The following IL1RAPL1 variants were observed in gnomAD, a reference collection of about 807,000 sequenced individuals.
The protein encoded by IL1RAPL1 is interleukin-1 receptor accessory protein-like 1.
In IL1RAPL1, 3 loss-of-function variants were observed where a neutral mutation model predicts 48.4. The observed-to-expected ratio is 0.06, with a 90% CI of 0.03 to 0.16. The LOEUF is 0.16. Ranked by LOEUF, IL1RAPL1 falls within the 10% of genes least tolerant of loss-of-function variation. The probability of loss-of-function intolerance (pLI) is 1.00; values close to 1 mark genes in which losing one functional copy is unlikely to be tolerated. For synonymous variants in IL1RAPL1, 185 were observed against 187.7 expected (o/e 0.99, Z 0.12); for missense variants, 349 against 530.6 (o/e 0.66, Z 3.36).
chrX:28,877,656 A>C (rs1015295198), intron 2 of IL1RAPL1, among the ~76,000 whole-genome samples: 3 of 112,199 alleles, frequency 2.7e-5, no homozygotes, highest in Non-Finnish European at 5.6e-5. Flanking sequence ...TTTAAATCAT[A>C]TATTTTGAGT....
chrX:29,514,748 C>T (rs1463997902), intron 5 of IL1RAPL1, among the ~76,000 whole-genome samples: 1 of 112,523 alleles, frequency 8.9e-6, no homozygotes, highest in African/African-American at 3.2e-5. Flanking sequence ...CCGCACCTGG[C>T]AAGTTGAATT....
chrX:29,599,333 G>A (rs1923646781), intron 5 of IL1RAPL1, among the ~76,000 whole-genome samples: 1 of 112,036 alleles, frequency 8.9e-6, no homozygotes, highest in African/African-American at 3.2e-5. Context: ...ATTTAAGGAG[G>A]CTAAAAATCG....
intron 1 of IL1RAPL1, among the ~76,000 whole-genome samples, chrX:28,704,498 A>G (rs1935343632): frequency 9.4e-6 from 1 of 106,869 alleles, no homozygotes; most frequent in African/African-American, 3.4e-5. Flanking sequence ...TCAGAAAACT[A>G]TAGTAGATTT....
chrX:28,806,571 C>T (rs772309356), intron 2 of IL1RAPL1, among the ~76,000 whole-genome samples: 62 of 111,194 alleles, frequency 5.6e-4, no homozygotes, highest in Non-Finnish European at 9.1e-4. Context: ...ATAACAAACC[C>T]TAGGAATGCT....
rs905429004 is a variant in IL1RAPL1 at position 29,543,958 on chromosome X, A to G, written c.704-124472A>G. Among the ~76,000 whole-genome samples the G allele has an allele frequency of 2.7e-5, 3 of 112,107 alleles. No individual in the cohort carries two copies. In the Admixed American group the frequency reaches 2.8e-4, roughly 11 times the overall value. ...ATTGGGTTTCAAAATCCACACCAAA[A>G]AAAGATTTTAAAAGTTGATTCTTTG... is the stretch of plus-strand genomic sequence containing the variant. On this transcript the variant is annotated intron_variant, in intron 5 of 10. Transcript: ENST00000378993.
At chrX:29,184,349 A>C (rs1185004754) in intron 2 of IL1RAPL1, among the ~76,000 whole-genome samples, 1 of 111,985 alleles carries the variant, frequency 8.9e-6, no homozygotes. Context: ...ACCTGAGGAC[A>C]TATGACATTT....
chrX:29,335,573 G>T (rs762259502), intron 3 of IL1RAPL1, among the ~76,000 whole-genome samples: 1 of 109,767 alleles, frequency 9.1e-6, no homozygotes, highest in African/African-American at 3.3e-5. Context: ...GTTGTAAAAA[G>T]TTACCACAAA....
At chrX:29,147,430 G>T (rs1929373283) in intron 2 of IL1RAPL1, among the ~76,000 whole-genome samples, 1 of 111,943 alleles carries the variant, frequency 8.9e-6, no homozygotes, top group Admixed American at 9.5e-5. Context: ...CTTTATGTCT[G>T]TATTAATAAA....
chrX:29,048,729 G>A (rs1278729102), intron 2 of IL1RAPL1, among the ~76,000 whole-genome samples: 1 of 111,799 alleles, frequency 8.9e-6, no homozygotes, highest in Non-Finnish European at 1.9e-5. Flanking sequence ...TTCTATATTG[G>A]TTCTAAATAT....
At chrX:28,944,117 AGTT>A (rs1924234632) in intron 2 of IL1RAPL1, among the ~76,000 whole-genome samples, 1 of 110,820 alleles carries the variant, frequency 9.0e-6, no homozygotes, top group Admixed American at 9.7e-5. Context: ...ATCACAAATT[AGTT>A]GTTTTTATAT....
rs966291554 is a variant in IL1RAPL1 at position 29,255,650 on chromosome X, C to G, written c.83-27288C>G. On this transcript the variant is annotated intron_variant, in intron 2 of 10. Transcript: ENST00000378993. ...TGGAATCCCCAGTGCTTATTGTTCC[C>G]CTCTTTGTATTCATGCGTACCCAGT... Among the ~76,000 whole-genome samples, 5 of 111,001 alleles carry G rather than the reference C, an allele frequency of 4.5e-5. No individual in the cohort carries two copies. The East Asian group carries it at 1.4e-3, about 32-fold the overall frequency.
At chrX:29,503,404 T>G (rs1195747217) in intron 5 of IL1RAPL1, among the ~76,000 whole-genome samples, 2 of 111,249 alleles carry the variant, frequency 1.8e-5, no homozygotes, top group Non-Finnish European at 3.8e-5. Flanking sequence ...TGTTTTTGGT[T>G]TGTTATTGCT....
At chrX:29,233,584 CA>C (rs1283535122) in intron 2 of IL1RAPL1, among the ~76,000 whole-genome samples, 1 of 110,875 alleles carries the variant, frequency 9.0e-6, no homozygotes, top group Non-Finnish European at 1.9e-5. Context: ...AGCAGGGAGC[CA>C]AAAATAAGAC....
At chrX:28,760,999 T>C (rs1321896308) in intron 1 of IL1RAPL1, among the ~76,000 whole-genome samples, 1 of 108,165 alleles carries the variant, frequency 9.2e-6, no homozygotes, top group East Asian at 2.9e-4. Context: ...GGTGGGAGAA[T>C]TGCTTGAACC....
intron 5 of IL1RAPL1, among the ~76,000 whole-genome samples, chrX:29,659,105 A>G (rs1462109173): frequency 1.8e-5 from 2 of 111,978 alleles, no homozygotes; most frequent in Non-Finnish European, 3.8e-5. Context: ...CTAATCAGAA[A>G]GAACAAAGTT....
intron 1 of IL1RAPL1, among the ~76,000 whole-genome samples, chrX:28,735,517 C>T (rs746024083): frequency 9.0e-6 from 1 of 110,939 alleles, no homozygotes; most frequent in Admixed American, 9.7e-5. Flanking sequence ...GTGGTTCATG[C>T]CTGTAATCCC....
At chrX:29,481,212 T>A (rs1355695423) in intron 5 of IL1RAPL1, among the ~76,000 whole-genome samples, 2 of 112,796 alleles carry the variant, frequency 1.8e-5, no homozygotes, top group African/African-American at 3.2e-5. Flanking sequence ...CCTTTGAGGC[T>A]TAGTATAGAA....
intron 5 of IL1RAPL1, among the ~76,000 whole-genome samples, chrX:29,595,007 C>T (rs972206926): frequency 4.5e-5 from 5 of 112,187 alleles, no homozygotes; most frequent in Non-Finnish European, 9.4e-5. Context: ...TCCCAGGTTA[C>T]TTCACTTAGA....
intron 1 of IL1RAPL1, among the ~76,000 whole-genome samples, chrX:28,787,708 TAATC>T (rs1936489169): frequency 9.0e-6 from 1 of 111,635 alleles, no homozygotes; most frequent in Non-Finnish European, 1.9e-5. Context: ...ATGAGTAAAT[TAATC>T]AATTAAAACC....
Sources: allele counts gnomAD v4.1 joint callset (sites outside exome capture counted in the v4.1 genomes callset), GRCh38; gene constraint gnomAD v4.1.1; transcripts MANE v1.5; gene names NCBI Gene and HGNC (gene_info 2026-07-23, HGNC 2026-07-21).